Variants in MYLK4 observed in about 807,000 individuals in gnomAD.
MYLK4 encodes the protein caMLCK like.
A neutral mutation model predicts 48.1 loss-of-function variants in MYLK4; 46 were observed. The observed-to-expected ratio is 0.96, with a 90% CI of 0.75 to 1.22. The LOEUF (loss-of-function observed/expected upper bound fraction) is 1.22. Among genes scored for constraint, MYLK4 ranks in the 50% most tolerant of loss-of-function variants. The probability of loss-of-function intolerance (pLI) is 0.00; values close to 1 mark genes in which losing one functional copy is unlikely to be tolerated. For synonymous variants in MYLK4, 170 were observed against 180.8 expected, an observed-to-expected ratio of 0.94 and a Z score of 0.48; for missense variants, 451 against 486.1, an observed-to-expected ratio of 0.93 and a Z score of 0.68.
At chr6:2,756,221 A>T in the MYLK4 span, among the ~76,000 whole-genome samples, 1 of 152,102 alleles carries the variant, frequency 6.6e-6, no homozygotes, top group Non-Finnish European at 1.5e-5. Flanking sequence ...TTCCATCCCC[A>T]TCCTGAACCT....
rs145574883 is a variant in MYLK4 at position 2,730,896 on chromosome 6, A to C, written c.159+18240T>G. Among the ~76,000 whole-genome samples the C allele has an allele frequency of 2.7e-3, 409 of 152,344 alleles. 1 individual carries two copies. Among genetic ancestry groups the C allele is most frequent in the African/African-American group, 9.5e-3 (395 of 41,582 alleles). ...TGAAAGGGCCACTGTGTCCAGGTGC[A>C]GTTCAGCCTGGCCTCATTTCATCTG... is the stretch of plus-strand genomic sequence containing the variant. On this transcript the variant is annotated intron_variant, in intron 2 of 12. Coordinates refer to ENST00000274643, the MANE Select transcript of MYLK4 (RefSeq NM_001012418.5).
At chr6:2,764,735 C>T in the MYLK4 span, among the ~76,000 whole-genome samples, 5 of 152,170 alleles carry the variant, frequency 3.3e-5, no homozygotes, top group Non-Finnish European at 5.9e-5. Context: ...TATTACACAG[C>T]GGCCCGCGAG....
chr6:2,673,569 G>A lies in MYLK4; in HGVS notation c.1119+1478C>T, dbSNP rs1760980691. The stretch of plus-strand genomic sequence containing the variant: ...ATCAAACCCATGCTATACCAGGGCA[G>A]GGCACCAGCCACCCTAACTGATAGG... On this transcript the variant is annotated intron_variant, in intron 11 of 12. Coordinates refer to ENST00000274643, the MANE Select transcript of MYLK4 (RefSeq NM_001012418.5). This position sits in a 1 kb window ranked among gnomAD's most constrained non-coding sequence, Gnocchi z 4.2. Among the ~76,000 whole-genome samples, 1 of 152,176 alleles carries A rather than the reference G, an allele frequency of 6.6e-6. No individual in the cohort carries two copies. The highest frequency in any genetic ancestry group is 2.1e-4 in the South Asian group (1 of 4,830).
At chr6:2,766,298 C>G in the MYLK4 span, 26 of 1,606,720 alleles carry the variant, frequency 1.6e-5, no homozygotes, top group Admixed American at 1.5e-4. Context: ...ACAGGGCAAG[C>G]CGCTGGCCGA....
Position 2,688,180 on chromosome 6 carries a change from TC to T in MYLK4, c.341+670del, listed in dbSNP as rs1350511227. Among the ~76,000 whole-genome samples the T allele has an allele frequency of 2.6e-5, 4 of 152,148 alleles. No homozygotes were observed. In the East Asian group the frequency reaches 7.8e-4, roughly 29 times the overall value. On this transcript the variant is annotated intron_variant, in intron 4 of 12. Transcript: ENST00000274643. The stretch of plus-strand genomic sequence containing the variant: ...TTCAAGCGATTCTCCTGCCTCAGCC[TC>T]CCGAGTAGCTGGGATTACAGGCATG...
chr6:2,752,852 G>A (rs1384146533), upstream of MYLK4, among the ~76,000 whole-genome samples: 1 of 152,146 alleles, frequency 6.6e-6, no homozygotes, highest in Non-Finnish European at 1.5e-5. Context: ...TGCTAAAAGT[G>A]ACTGATTGTC....
chr6:2,704,864 T>C (rs1762430053), intron 2 of MYLK4, among the ~76,000 whole-genome samples: 1 of 152,238 alleles, frequency 6.6e-6, no homozygotes. Context: ...AATATATTTC[T>C]AATGGCAACT....
At chr6:2,670,399 G>A (rs4959698) in intron 12 of MYLK4, among the ~76,000 whole-genome samples, 18,814 of 127,646 alleles carry the variant, frequency 0.15, 1,267 homozygotes, top group Admixed American at 0.2. Flanking sequence ...AAACAACAGT[G>A]AGCAGCAAGA....
intron 2 of MYLK4, among the ~76,000 whole-genome samples, chr6:2,713,139 G>A (rs562616417): frequency 6.6e-6 from 1 of 152,292 alleles, no homozygotes. Flanking sequence ...GGGAGGCTGA[G>A]GTGGGTGGAT....
chr6:2,718,179 C>CAAAAAA (rs10590230), intron 2 of MYLK4, among the ~76,000 whole-genome samples: 25 of 133,180 alleles, frequency 1.9e-4, no homozygotes, highest in African/African-American at 3.6e-4. Flanking sequence ...AACTCTGTCT[C>CAAAAAA]AAAAAAAAAA....
the MYLK4 span, among the ~76,000 whole-genome samples, chr6:2,763,765 C>T: frequency 6.6e-6 from 1 of 152,132 alleles, no homozygotes; most frequent in African/African-American, 2.4e-5. Context: ...GGAGTGGACG[C>T]CAAGGCAGAG....
intron 2 of MYLK4, among the ~76,000 whole-genome samples, chr6:2,744,741 T>A (rs1764016962): frequency 6.6e-6 from 1 of 152,204 alleles, no homozygotes; most frequent in African/African-American, 2.4e-5. Context: ...CCGAGTCTGC[T>A]GGGGCCATGC....
intron 2 of MYLK4, among the ~76,000 whole-genome samples, chr6:2,728,344 G>A (rs1297341702): frequency 7.9e-5 from 12 of 152,170 alleles, no homozygotes; most frequent in Admixed American, 3.3e-4. Flanking sequence ...CTGAGTCCCC[G>A]TCTCTCTGAA....
At chr6:2,740,480 G>A (rs1763862932) in intron 2 of MYLK4, among the ~76,000 whole-genome samples, 2 of 152,228 alleles carry the variant, frequency 1.3e-5, no homozygotes, top group Admixed American at 1.3e-4. Context: ...GGCGCCCGGG[G>A]AATCAGTGCC....
chr6:2,694,506 G>GTAGTGGTAATGA (rs1761952128), intron 2 of MYLK4, among the ~76,000 whole-genome samples: 3 of 47,550 alleles, frequency 6.3e-5, no homozygotes, highest in African/African-American at 2.0e-4. Flanking sequence ...GGTGGTGGTG[G>GTAGTGGTAATGA]TGGTGGCGGT....
In MYLK4 at chr6:2,722,216, T is replaced by A. The variant is rs1181477839; in HGVS notation, c.159+26920A>T. Reference sequence around the variant, plus strand: ...TCAAGAAGATAAAATTGATAGAATATTTAATAAATCTGAAGGCATGTAGAA... The same window carrying A: ...TCAAGAAGATAAAATTGATAGAATAATTAATAAATCTGAAGGCATGTAGAA... On this transcript the variant is annotated intron_variant, in intron 2 of 12. Transcript: ENST00000274643. 3.9e-5 allele frequency among the ~76,000 whole-genome samples: 6 copies of A among 152,300 alleles called. No individual in the cohort carries two copies. The East Asian group carries it at 1.2e-3, about 29-fold the overall frequency.
the MYLK4 span, chr6:2,766,480 A>T: frequency 1.4e-6 from 2 of 1,463,076 alleles, no homozygotes; most frequent in Non-Finnish European, 1.8e-6. Context: ...TTCCGTAGTT[A>T]TCTCGGCGGT....
intron 12 of MYLK4, 122 bp downstream of exon 12, chr6:2,671,154 C>T (rs1760874557): frequency 2.9e-6 from 2 of 678,182 alleles, no homozygotes; most frequent in Admixed American, 2.6e-5. Context: ...TTTCAGGGCC[C>T]TCCACGCCAG....
At chr6:2,690,196 CCT>C (rs1449058776) in intron 3 of MYLK4, among the ~76,000 whole-genome samples, 3 of 152,192 alleles carry the variant, frequency 2.0e-5, no homozygotes, top group African/African-American at 7.2e-5. Context: ...CAGCAGACTC[CCT>C]GAGTCGGCCC....
Sources: allele counts gnomAD v4.1 joint callset (sites outside exome capture counted in the v4.1 genomes callset), GRCh38; gene constraint gnomAD v4.1.1; non-coding constraint Gnocchi (gnomAD v3.1); transcripts MANE v1.5; gene names NCBI Gene and HGNC (gene_info 2026-07-23, HGNC 2026-07-21).